DTNB: variants seen among roughly 807,000 people sequenced by gnomAD.
The protein encoded by DTNB is dystrobrevin beta, also known as DTN-B.
Under a neutral mutation model 90.7 loss-of-function variants are expected in DTNB, and 63 were observed. That is an observed-to-expected ratio of 0.69 (90% CI 0.57 to 0.86). The LOEUF (loss-of-function observed/expected upper bound fraction) is 0.86, where lower values mean the gene tolerates loss of function less well. DTNB is among the 40% of genes least tolerant of loss of function. The pLI, the probability that DTNB is intolerant of heterozygous loss-of-function variation, is 0.00. For synonymous variants in DTNB, 277 were observed against 286.7 expected (o/e 0.97, Z 0.34); for missense variants, 744 against 807.1 (o/e 0.92, Z 0.95).
chr2:25,567,609 C>T (rs1053461930), intron 8 of DTNB, among the ~76,000 whole-genome samples: 7 of 152,136 alleles, frequency 4.6e-5, no homozygotes, highest in Non-Finnish European at 8.8e-5. Context: ...CTGCCATCTG[C>T]TGGGAAGAAA....
chr2:25,469,536 C>T (rs1046422162), intron 10 of DTNB, among the ~76,000 whole-genome samples: 1 of 152,116 alleles, frequency 6.6e-6, no homozygotes, highest in Non-Finnish European at 1.5e-5. Flanking sequence ...ACCTCCGCCT[C>T]CTGGGTTCAA....
chr2:25,583,158 A>G (rs907182942), intron 6 of DTNB, among the ~76,000 whole-genome samples: 2 of 151,350 alleles, frequency 1.3e-5, no homozygotes, highest in African/African-American at 4.9e-5. Context: ...GAGACAGGAT[A>G]ATGGCTTGAA....
chr2:25,538,073 C>G (rs547222049), intron 8 of DTNB, among the ~76,000 whole-genome samples: 1 of 152,096 alleles, frequency 6.6e-6, no homozygotes, highest in Admixed American at 6.6e-5. Context: ...CTTAAAAATA[C>G]TACAGGTTAT....
chr2:25,415,244 C>CTTTTTTTTT (rs34257264), intron 16 of DTNB, among the ~76,000 whole-genome samples: 1 of 123,522 alleles, frequency 8.1e-6, no homozygotes, highest in African/African-American at 3.0e-5. Context: ...ATAAGAGCTT[C>CTTTTTTTTT]TTTTTTTTTT....
intron 16 of DTNB, among the ~76,000 whole-genome samples, chr2:25,398,198 C>T (rs2042884381): frequency 6.6e-6 from 1 of 152,248 alleles, no homozygotes; most frequent in South Asian, 2.1e-4. Context: ...GAAGTGAAAC[C>T]TCCTGCCCAC....
intron 3 of DTNB, among the ~76,000 whole-genome samples, chr2:25,631,127 T>A (rs191962842): frequency 5.9e-5 from 9 of 152,108 alleles, no homozygotes; most frequent in African/African-American, 1.9e-4. Context: ...AATTAGATAA[T>A]GATGATGGTT....
intron 6 of DTNB, among the ~76,000 whole-genome samples, chr2:25,586,233 A>G (rs1343294619): frequency 6.6e-6 from 1 of 152,118 alleles, no homozygotes; most frequent in Non-Finnish European, 1.5e-5. Flanking sequence ...ACGGGCGGCC[A>G]GGTGCGGTGG....
At chr2:25,627,952 G>A (rs938424345) in intron 4 of DTNB, among the ~76,000 whole-genome samples, 2 of 152,016 alleles carry the variant, frequency 1.3e-5, no homozygotes, top group Admixed American at 6.6e-5. Context: ...TAGCCGGGAT[G>A]GTCTCCATCT....
intron 9 of DTNB, among the ~76,000 whole-genome samples, chr2:25,496,082 A>G (rs371734435): frequency 6.6e-6 from 1 of 152,152 alleles, no homozygotes; most frequent in Non-Finnish European, 1.5e-5. Flanking sequence ...AGGAAGCCAA[A>G]TATCTCTCTA....
intron 7 of DTNB, among the ~76,000 whole-genome samples, chr2:25,580,045 G>A (rs1003098953): frequency 6.6e-5 from 9 of 136,922 alleles, no homozygotes; most frequent in Admixed American, 1.6e-4. Context: ...GCAGTGGTGC[G>A]ATCTCAACTC....
At chr2:25,433,841 A>G (rs2054768304) in intron 13 of DTNB, 69 bp downstream of exon 13, 1 of 1,571,508 alleles carries the variant, frequency 6.4e-7, no homozygotes, top group Non-Finnish European at 8.7e-7. Flanking sequence ...GTATCCAAGG[A>G]AAATGAGAAT....
chr2:25,635,063 TAAAAAAATAAAAAAAG>T lies in DTNB; in HGVS notation c.148+3935_148+3950del, dbSNP rs748187532. On this transcript the variant is annotated intron_variant, in intron 3 of 20. Coordinates refer to ENST00000406818, the MANE Select transcript of DTNB (RefSeq NM_021907.5). ...CCCAAGAATGATCAATAAAAAAAAATAAAAAAATAAAAAAAGAAAAAAAAAAAAAGAAATTTTAAAA... is the reference window on the plus strand; with the variant it reads ...CCCAAGAATGATCAATAAAAAAAAATAAAAAAAAAAAAAGAAATTTTAAAA... 8.8e-4 allele frequency among the ~76,000 whole-genome samples: 107 copies of T among 121,308 alleles called. 2 individuals carry two copies. The East Asian group carries it at 0.02, about 22-fold the overall frequency. The allele number at this position is 121,308 out of a possible 152,430, so 79.6% of individuals were successfully genotyped here.
chr2:25,458,955 A>C (rs2060497869), intron 10 of DTNB, among the ~76,000 whole-genome samples: 2 of 151,122 alleles, frequency 1.3e-5, no homozygotes, highest in African/African-American at 4.9e-5. Flanking sequence ...CTAATTTTTA[A>C]ATCTTTTGTA....
intron 8 of DTNB, among the ~76,000 whole-genome samples, chr2:25,549,410 G>A (rs1016521973): frequency 6.6e-6 from 1 of 151,860 alleles, no homozygotes; most frequent in African/African-American, 2.4e-5. Flanking sequence ...TATCTAACTT[G>A]TCTAGTAGTC....
intron 8 of DTNB, among the ~76,000 whole-genome samples, chr2:25,555,125 T>C (rs927486328): frequency 6.6e-6 from 1 of 151,698 alleles, no homozygotes; most frequent in African/African-American, 2.4e-5. Context: ...TGAAACCCTG[T>C]CTCTACTAAA....
At chr2:25,638,959 T>C in intron 3 of DTNB, 55 bp downstream of exon 3, 1 of 1,442,184 alleles carries the variant, frequency 6.9e-7, no homozygotes, top group Middle Eastern at 2.1e-4. Context: ...TTAAAGTCTT[T>C]TCTAATATTG....
At chr2:25,415,653 A>G (rs1291765743) in intron 16 of DTNB, among the ~76,000 whole-genome samples, 2 of 152,156 alleles carry the variant, frequency 1.3e-5, no homozygotes, top group Non-Finnish European at 2.9e-5. Context: ...GAGAGGGGCT[A>G]AAGATTGAGT....
intron 16 of DTNB, among the ~76,000 whole-genome samples, chr2:25,412,698 A>G (rs2046905661): frequency 2.0e-5 from 3 of 152,256 alleles, no homozygotes; most frequent in Non-Finnish European, 4.4e-5. Context: ...ATGAATAAAC[A>G]GAACCCCTTT....
At chr2:25,663,987 A>G (rs1405178312) in intron 1 of DTNB, among the ~76,000 whole-genome samples, 2 of 152,192 alleles carry the variant, frequency 1.3e-5, no homozygotes, top group African/African-American at 2.4e-5. Flanking sequence ...CTGGATTATG[A>G]CTGACAATCA....
Sources: allele counts gnomAD v4.1 joint callset (sites outside exome capture counted in the v4.1 genomes callset), GRCh38; gene constraint gnomAD v4.1.1; transcripts MANE v1.5; gene names NCBI Gene and HGNC (gene_info 2026-07-23, HGNC 2026-07-21).